GFPT1: variants seen among roughly 807,000 people sequenced by gnomAD.
The protein encoded by GFPT1 is glutamine--fructose-6-phosphate transaminase 1, also known as glutamine--fructose-6-phosphate aminotransferase [isomerizing] 1.
GFPT1 carries 40 observed loss-of-function variants against 92.0 expected under a neutral mutation model. The ratio of observed to expected loss-of-function variants is 0.43; its 90% confidence interval spans 0.34 to 0.57. The LOEUF is 0.57. GFPT1 is among the 20% of genes least tolerant of loss of function. The pLI, the probability that GFPT1 is intolerant of heterozygous loss-of-function variation, is 0.02. For missense variants in GFPT1, 448 were observed against 869.1 expected, an observed-to-expected ratio of 0.52 and a Z score of 6.09; for synonymous variants, 269 against 280.6, an observed-to-expected ratio of 0.96 and a Z score of 0.41.
At chr2:69,356,009 T>C (rs914679370) in intron 7 of GFPT1, among the ~76,000 whole-genome samples, 35 of 86,622 alleles carry the variant, frequency 4.0e-4, no homozygotes, top group Admixed American at 7.2e-4. Flanking sequence ...TTTTTTTTTT[T>C]CAGACAGAGT....
chr2:69,336,204 T>C (rs1036354756), intron 15 of GFPT1, among the ~76,000 whole-genome samples: 1 of 151,500 alleles, frequency 6.6e-6, no homozygotes, highest in Non-Finnish European at 1.5e-5. Flanking sequence ...CCAGGCGTGG[T>C]GGCAGGTGCC....
chr2:69,335,287 G>C (rs906135673), intron 15 of GFPT1, among the ~76,000 whole-genome samples: 16 of 152,114 alleles, frequency 1.1e-4, no homozygotes, highest in Admixed American at 1.3e-4. Context: ...GATAACAGTT[G>C]TGAGCCACTG....
At position 69,378,366 on chromosome 2, in the gene GFPT1, G is replaced by A. The variant is rs1009116768; in HGVS notation, c.8-4253C>T. ...GACAAAAGCCTAATATCAACTTTCC[G>A]CCACTCTTCAGTAATTGCTCTAAGA... On this transcript the variant is annotated intron_variant, in intron 1 of 19. Coordinates refer to ENST00000357308, the MANE Select transcript of GFPT1 (RefSeq NM_001244710.2). 2.6e-5 allele frequency among the ~76,000 whole-genome samples: 4 copies of A among 152,120 alleles called. 1 individual carries two copies. The highest frequency in any genetic ancestry group is 7.2e-5 in the African/African-American group (3 of 41,408).
At chr2:69,340,184 G>A (rs571453775) in intron 13 of GFPT1, among the ~76,000 whole-genome samples, 1 of 136,354 alleles carries the variant, frequency 7.3e-6, no homozygotes, top group South Asian at 2.3e-4. Flanking sequence ...TGGGGTCTTG[G>A]TTTGTTGCCC....
intron 18 of GFPT1, 56 bp from the exon 19 acceptor site, chr2:69,327,131 A>G: frequency 6.5e-7 from 1 of 1,548,818 alleles, no homozygotes; most frequent in African/African-American, 1.4e-5. Flanking sequence ...AGGCAGGGCT[A>G]TAGCTTACGA....
At chr2:69,356,430 T>A (rs1439946376) in intron 7 of GFPT1, 66 bp downstream of exon 7, 14 of 1,084,954 alleles carry the variant, frequency 1.3e-5, no homozygotes, top group Non-Finnish European at 1.9e-5. Context: ...ATGTATAGTC[T>A]ACGAAGAATA....
chr2:69,370,644 G>T (rs1275179981), intron 2 of GFPT1, among the ~76,000 whole-genome samples: 1 of 151,294 alleles, frequency 6.6e-6, no homozygotes, highest in Non-Finnish European at 1.5e-5. Context: ...GAAACGGAAG[G>T]AAGAAACCAG....
At chr2:69,336,849 A>C (rs911716265) in intron 15 of GFPT1, among the ~76,000 whole-genome samples, 2 of 152,026 alleles carry the variant, frequency 1.3e-5, no homozygotes, top group Non-Finnish European at 2.9e-5. Context: ...TGGAGGGATA[A>C]CATCTCTTGT....
At position 69,387,029 on chromosome 2, in the gene GFPT1, A is replaced by G. The variant is rs6720415; in HGVS notation, c.7+36T>C. ...GGCACCCGCACCGCACCCCAGCGCCACCCGGCAACACGCCCCCCGCTCCCG... is the reference window on the plus strand; with the variant it reads ...GGCACCCGCACCGCACCCCAGCGCCGCCCGGCAACACGCCCCCCGCTCCCG... On this transcript the variant is annotated intron_variant, in intron 1 of 19. Transcript: ENST00000357308. 0.59 allele frequency: 882,009 copies of G among 1,484,594 alleles called. 266,085 individuals carry two copies. Among genetic ancestry groups the G allele is most frequent in the African/African-American group, 0.87 (62,018 of 71,126 alleles). The allele number at this position is 1,484,594 out of a possible 1,614,324, so 92.0% of individuals were successfully genotyped here.
At position 69,365,729 on chromosome 2, in the gene GFPT1, C is replaced by A. The variant is rs1044951070; in HGVS notation, c.224-2059G>T. On this transcript the variant is annotated intron_variant, in intron 3 of 19. Transcript: ENST00000357308. ...ACTGTGTTCTAAGTAATTAAGGCAA[C>A]CTGATAAATGACCTCAAGAAAAATA... Among the ~76,000 whole-genome samples, 9 of 152,274 alleles carry A rather than the reference C, an allele frequency of 5.9e-5. No homozygotes were observed. In the East Asian group the frequency reaches 1.5e-3, roughly 26 times the overall value.
At chr2:69,362,672 CTGTAG>C (rs2104664036) in intron 4 of GFPT1, among the ~76,000 whole-genome samples, 1 of 151,962 alleles carries the variant, frequency 6.6e-6, no homozygotes, top group Admixed American at 6.6e-5. Flanking sequence ...TGGCACACAC[CTGTAG>C]TCCCAGCTAC....
intron 1 of GFPT1, among the ~76,000 whole-genome samples, chr2:69,382,508 T>C (rs1672034902): frequency 6.6e-6 from 1 of 152,160 alleles, no homozygotes; most frequent in South Asian, 2.1e-4. Flanking sequence ...ATATGCAATT[T>C]CTCTAATAAT....
intron 3 of GFPT1, among the ~76,000 whole-genome samples, chr2:69,367,103 T>C (rs556482577): frequency 2.6e-5 from 4 of 152,334 alleles, no homozygotes; most frequent in South Asian, 2.1e-4. Flanking sequence ...ACCTCCTTTA[T>C]ATCCCCATCC....
chr2:69,324,875 T>C lies in GFPT1; in HGVS notation c.*1314A>G, dbSNP rs1271656055. ...TCACAATTTTGGGGGTATCAAATAATAACATTCTACTTTAAATATTTTAAT... is the reference window on the plus strand; with the variant it reads ...TCACAATTTTGGGGGTATCAAATAACAACATTCTACTTTAAATATTTTAAT... On this transcript the variant is annotated 3_prime_UTR_variant, in exon 20 of 20. Transcript: ENST00000357308. 1 of 152,180 alleles carries C rather than the reference T, an allele frequency of 6.6e-6. No individual in the cohort carries two copies. The highest frequency in any genetic ancestry group is 1.5e-5 in the Non-Finnish European group (1 of 68,016). 9.4% of individuals were successfully genotyped at this position (152,180 alleles called of 1,614,324 possible).
intron 13 of GFPT1, among the ~76,000 whole-genome samples, chr2:69,338,947 G>A (rs951646251): frequency 2.6e-5 from 4 of 151,992 alleles, no homozygotes; most frequent in Non-Finnish European, 5.9e-5. Flanking sequence ...CTATAGGCGT[G>A]CGCCACCATG....
At chr2:69,351,801 G>C (rs966236872) in intron 9 of GFPT1, among the ~76,000 whole-genome samples, 1 of 152,190 alleles carries the variant, frequency 6.6e-6, no homozygotes, top group Non-Finnish European at 1.5e-5. Flanking sequence ...ACATATTAGT[G>C]TTTGCCAGGG....
intron 15 of GFPT1, among the ~76,000 whole-genome samples, chr2:69,332,238 T>C (rs1670680163): frequency 1.3e-5 from 2 of 152,096 alleles, no homozygotes; most frequent in South Asian, 2.1e-4. Context: ...CCTCTATTTA[T>C]CACTTTGGCC....
chr2:69,386,159 T>C (rs1347357664), intron 1 of GFPT1, among the ~76,000 whole-genome samples: 2 of 152,218 alleles, frequency 1.3e-5, no homozygotes, highest in African/African-American at 2.4e-5. Context: ...ATATCAGTCA[T>C]GTCAGACACG....
intron 1 of GFPT1, among the ~76,000 whole-genome samples, chr2:69,383,659 C>T (rs1248227806): frequency 1.3e-5 from 2 of 152,162 alleles, no homozygotes; most frequent in African/African-American, 2.4e-5. Context: ...GTCTCTCACT[C>T]TTGTCGCCCA....
Sources: gnomAD v4.1 joint callset for allele counts (sites outside exome capture counted in the v4.1 genomes callset) on GRCh38, gnomAD v4.1.1 for gene constraint, MANE v1.5 for transcripts, NCBI Gene and HGNC (gene_info 2026-07-23, HGNC 2026-07-21) for gene names.